Variants in ATXN10 observed in about 807,000 individuals in gnomAD.
ATXN10 encodes the protein ataxin 10, also known as ataxin-10.
Under a neutral mutation model 52.9 loss-of-function variants are expected in ATXN10, and 28 were observed. The observed-to-expected ratio is 0.53, with a 90% confidence interval of 0.39 to 0.73. ATXN10 has a LOEUF of 0.73. ATXN10 is among the 30% of genes least tolerant of loss of function. The pLI, the probability that ATXN10 is intolerant of heterozygous loss-of-function variation, is 0.00. For missense variants in ATXN10, 565 were observed against 577.0 expected, an observed-to-expected ratio of 0.98 and a Z score of 0.21; for synonymous variants, 226 against 221.5, an observed-to-expected ratio of 1.02 and a Z score of -0.18.
intron 9 of ATXN10, chr22:45,740,773 T>C (rs1221993804): frequency 1.7e-5 from 4 of 240,644 alleles, no homozygotes; most frequent in Non-Finnish European, 3.2e-5. Flanking sequence ...TATATGTATA[T>C]GTTAATATAT....
chr22:45,832,055 A>G (rs1929010493), intron 10 of ATXN10, among the ~76,000 whole-genome samples: 1 of 152,218 alleles, frequency 6.6e-6, no homozygotes, highest in East Asian at 1.9e-4. Flanking sequence ...CAGAGCCAGA[A>G]TTGAACCCAA....
chr22:45,784,809 G>A lies in ATXN10; in HGVS notation c.1174-22150G>A, dbSNP rs1366279067. On this transcript the variant is annotated intron_variant, in intron 9 of 11. Transcript: ENST00000252934. This position sits in a 1 kb window ranked among gnomAD's most constrained non-coding sequence, Gnocchi z 4.2. ...TTTATTTTTTTATTTTTTAAACACCGTGGGCAAGCTGATCAACAGTTTCCA... is the reference window on the plus strand; with the variant it reads ...TTTATTTTTTTATTTTTTAAACACCATGGGCAAGCTGATCAACAGTTTCCA... 2.6e-5 allele frequency among the ~76,000 whole-genome samples: 4 copies of A among 152,072 alleles called. No homozygotes were observed. Among genetic ancestry groups the A allele is most frequent in the East Asian group, 1.9e-4 (1 of 5,196 alleles).
chr22:45,785,042 G>A (rs767719352), intron 9 of ATXN10, among the ~76,000 whole-genome samples: 1 of 152,236 alleles, frequency 6.6e-6, no homozygotes, highest in Non-Finnish European at 1.5e-5. Flanking sequence ...AAAACTTGCT[G>A]TATGGGTTAT....
intron 6 of ATXN10, among the ~76,000 whole-genome samples, chr22:45,724,751 A>G (rs1412377918): frequency 2.0e-5 from 3 of 152,142 alleles, no homozygotes; most frequent in Non-Finnish European, 4.4e-5. Flanking sequence ...ACAATGTCAT[A>G]AAGTTTTTCC....
In ATXN10 at chr22:45,844,502, T is replaced by C. The variant is rs1929447003; in HGVS notation, c.*831T>C. On this transcript the variant is annotated 3_prime_UTR_variant, in exon 12 of 12. Transcript: ENST00000252934. ...CCAGTCTCATAAAGGTGCCACTCAG[T>C]TTTAGCCATGTCTTCACTGAAATTG... is the stretch of plus-strand genomic sequence containing the variant. 1 of 152,212 alleles carries C rather than the reference T, an allele frequency of 6.6e-6. No individual in the cohort carries two copies. The highest frequency in any genetic ancestry group is 6.5e-5 in the Admixed American group (1 of 15,278). 9.4% of individuals were successfully genotyped at this position (152,212 alleles called of 1,614,324 possible).
At chr22:45,691,632 A>G (rs1923381295) in intron 2 of ATXN10, among the ~76,000 whole-genome samples, 1 of 152,212 alleles carries the variant, frequency 6.6e-6, no homozygotes, top group Admixed American at 6.5e-5. Flanking sequence ...GCGGTGGCTC[A>G]CGCCTGTAAT....
At chr22:45,747,571 G>A (rs1332546924) in intron 9 of ATXN10, among the ~76,000 whole-genome samples, 1 of 152,112 alleles carries the variant, frequency 6.6e-6, no homozygotes, top group Non-Finnish European at 1.5e-5. Context: ...TCATTGCTTG[G>A]CTTGTAACAT....
At chr22:45,793,839 C>G (rs1569067137) in intron 9 of ATXN10, 1 of 1,294,712 alleles carries the variant, frequency 7.7e-7, no homozygotes, top group East Asian at 3.1e-5. Context: ...GGAAATAATT[C>G]AAGGGTGAGC....
In ATXN10 at chr22:45,727,390, G is replaced by T. The variant is rs567189439; in HGVS notation, c.729-2035G>T. ...ATCTATCTATCTGAGACTGAGTCTCGCTCTGTTGCCCAGGCTGGGGTGCAG... is the reference window on the plus strand; with the variant it reads ...ATCTATCTATCTGAGACTGAGTCTCTCTCTGTTGCCCAGGCTGGGGTGCAG... On this transcript the variant is annotated intron_variant, in intron 6 of 11. Coordinates refer to ENST00000252934, the MANE Select transcript of ATXN10 (RefSeq NM_013236.4). This position sits in a 1 kb window ranked among gnomAD's most constrained non-coding sequence, Gnocchi z 4.6. Among the ~76,000 whole-genome samples the T allele has an allele frequency of 7.0e-6, 1 of 141,930 alleles. No individual in the cohort carries two copies. The highest frequency in any genetic ancestry group is 1.5e-5 in the Non-Finnish European group (1 of 64,946). 93.1% of individuals were successfully genotyped at this position (141,930 alleles called of 152,430 possible).
At chr22:45,831,561 T>G (rs1360860273) in intron 10 of ATXN10, among the ~76,000 whole-genome samples, 1 of 152,206 alleles carries the variant, frequency 6.6e-6, no homozygotes, top group African/African-American at 2.4e-5. Context: ...GTGCCTCTTT[T>G]CATGCCAGGC....
At position 45,790,058 on chromosome 22, in the gene ATXN10, G is replaced by T. The variant is rs1342122246; in HGVS notation, c.1174-16901G>T. Among the ~76,000 whole-genome samples, 1 of 152,186 alleles carries T rather than the reference G, an allele frequency of 6.6e-6. No homozygotes were observed. Among genetic ancestry groups the T allele is most frequent in the African/African-American group, 2.4e-5 (1 of 41,434 alleles). ...TATCTCATTATCAGATTTCCAGAGA[G>T]ATATTAAAATCCAAAGATAACATTG... On this transcript the variant is annotated intron_variant, in intron 9 of 11. Transcript: ENST00000252934. The surrounding 1 kb of genome is among the most constrained non-coding windows in gnomAD (Gnocchi z 4.7).
chr22:45,818,641 CAG>C lies in ATXN10; in HGVS notation c.1237+11620_1237+11621del, dbSNP rs1244922556. 6.6e-6 allele frequency among the ~76,000 whole-genome samples: 1 copy of C among 151,896 alleles called. No individual in the cohort carries two copies. ...ACAGCCTGGGGCAGGGATCAGGGATCAGGGGGCAGGGATCATCACGCAGGAAG... is the reference window on the plus strand; with the variant it reads ...ACAGCCTGGGGCAGGGATCAGGGATCGGGGCAGGGATCATCACGCAGGAAG... On this transcript the variant is annotated intron_variant, in intron 10 of 11. Transcript: ENST00000252934. This position sits in a 1 kb window ranked among gnomAD's most constrained non-coding sequence, Gnocchi z 4.6.
intron 5 of ATXN10, chr22:45,704,040 A>G (rs1438743731): frequency 6.6e-6 from 1 of 151,596 alleles, no homozygotes; most frequent in African/African-American, 2.4e-5. Flanking sequence ...CCAGGGCACT[A>G]TGTGGAGCTG....
In ATXN10 at chr22:45,840,241, A is replaced by T. The variant is rs1351649284; in HGVS notation, c.1238-2750A>T. Among the ~76,000 whole-genome samples, 1 of 152,180 alleles carries T rather than the reference A, an allele frequency of 6.6e-6. No homozygotes were observed. The highest frequency in any genetic ancestry group is 2.4e-5 in the African/African-American group (1 of 41,438). ...GCTGGGAACGAGACTCGGTGCTAGG[A>T]TATCGAAGTCAATTAGATGGGGCTC... is the stretch of plus-strand genomic sequence containing the variant. On this transcript the variant is annotated intron_variant, in intron 10 of 11. Transcript: ENST00000252934. The surrounding 1 kb of genome is among the most constrained non-coding windows in gnomAD (Gnocchi z 5.8).
At position 45,816,722 on chromosome 22, in the gene ATXN10, G is replaced by GA. The variant is rs1226598477; in HGVS notation, c.1237+9703dup. On this transcript the variant is annotated intron_variant, in intron 10 of 11. Transcript: ENST00000252934. The surrounding 1 kb of genome is among the most constrained non-coding windows in gnomAD (Gnocchi z 5.8). ...GAAGCCTTCTTTTAATAAAATGTGA[G>GA]AAAGCCTGTGTGAAGCAGATGTTCT... 6.6e-6 allele frequency among the ~76,000 whole-genome samples: 1 copy of GA among 152,184 alleles called. No homozygotes were observed. Among genetic ancestry groups the GA allele is most frequent in the Non-Finnish European group, 1.5e-5 (1 of 68,032 alleles).
At position 45,811,639 on chromosome 22, in the gene ATXN10, C is replaced by T. The variant is rs35653439; in HGVS notation, c.1237+4617C>T. ...GTAGTAGGTTACTAGGTAATATAGC[C>T]TAGAATGTGAGTACATTCTGTGATG... On this transcript the variant is annotated intron_variant, in intron 10 of 11. Coordinates refer to ENST00000252934, the MANE Select transcript of ATXN10 (RefSeq NM_013236.4). 5.3e-3 allele frequency: 2,406 copies of T among 453,986 alleles called. 100 individuals carry two copies. The Admixed American group carries it at 0.056, about 11-fold the overall frequency. The allele number at this position is 453,986 out of a possible 1,614,324, so 28.1% of individuals were successfully genotyped here. A position where few individuals can be genotyped will look rare whatever the true frequency, so the allele number is the denominator to read the frequency against.
At chr22:45,699,893 C>A (rs2146751445) in intron 3 of ATXN10, among the ~76,000 whole-genome samples, 1 of 149,072 alleles carries the variant, frequency 6.7e-6, no homozygotes, top group East Asian at 2.0e-4. Context: ...GTCTCCCAGG[C>A]TGGAGTGCAG....
intron 9 of ATXN10, among the ~76,000 whole-genome samples, chr22:45,802,134 T>C (rs1484347381): frequency 6.6e-6 from 1 of 152,248 alleles, no homozygotes; most frequent in Admixed American, 6.5e-5. Flanking sequence ...TGTTGTCCTC[T>C]GTTTACACTT....
intron 9 of ATXN10, among the ~76,000 whole-genome samples, chr22:45,796,401 CCT>C (rs2146873055): frequency 6.6e-6 from 1 of 152,312 alleles, no homozygotes; most frequent in African/African-American, 2.4e-5. Flanking sequence ...TCTCACTCTG[CCT>C]CTCTGCCCTT....
Sources: allele counts gnomAD v4.1 joint callset (sites outside exome capture counted in the v4.1 genomes callset), GRCh38; gene constraint gnomAD v4.1.1; non-coding constraint Gnocchi (gnomAD v3.1); transcripts MANE v1.5; gene names NCBI Gene and HGNC (gene_info 2026-07-23, HGNC 2026-07-21).